The following CDS1 variants were observed in gnomAD, a reference collection of about 807,000 sequenced individuals.
CDS1 encodes phosphatidate cytidylyltransferase 1.
Under a neutral mutation model 62.1 loss-of-function variants are expected in CDS1, and 41 were observed. That is an observed-to-expected ratio of 0.66 (90% CI 0.51 to 0.86). The LOEUF (loss-of-function observed/expected upper bound fraction) is 0.86, where lower values mean the gene tolerates loss of function less well. Among genes scored for constraint, CDS1 ranks in the 40% least tolerant of loss-of-function variants. The pLI is 0.00. For missense variants in CDS1, 470 were observed against 550.1 expected, an observed-to-expected ratio of 0.85 and a Z score of 1.46; for synonymous variants, 185 against 192.6, an observed-to-expected ratio of 0.96 and a Z score of 0.32.
chr4:84,595,366 G>C (rs115406842), intron 1 of CDS1, among the ~76,000 whole-genome samples: 2,593 of 152,162 alleles, frequency 0.017, 70 homozygotes, highest in African/African-American at 0.06. Context: ...AGTCAGCTGG[G>C]GGGGCTTGGG....
chr4:84,619,083 A>C (rs1723590204), intron 4 of CDS1, among the ~76,000 whole-genome samples: 1 of 147,982 alleles, frequency 6.8e-6, no homozygotes, highest in South Asian at 2.1e-4. Context: ...ACACACACAC[A>C]CACTGCTCCC....
chr4:84,618,538 G>A (rs1723571410), intron 4 of CDS1, among the ~76,000 whole-genome samples: 1 of 152,220 alleles, frequency 6.6e-6, no homozygotes, highest in African/African-American at 2.4e-5. Flanking sequence ...ATGAAGACAA[G>A]TTTTGGATAA....
At chr4:84,609,279 GTTTGTTT>G in intron 2 of CDS1, 143 bp from the exon 3 acceptor site, 1 of 518,468 alleles carries the variant, frequency 1.9e-6, no homozygotes, top group East Asian at 3.1e-5. Flanking sequence ...AATGAATGCT[GTTTGTTT>G]TTTGTTTTTG....
In CDS1 at chr4:84,616,571, C is replaced by T. The variant is rs116714191; in HGVS notation, c.343-993C>T. Among the ~76,000 whole-genome samples, 797 of 152,226 alleles carry T rather than the reference C, an allele frequency of 5.2e-3. 9 individuals carry two copies. Among genetic ancestry groups the T allele is most frequent in the African/African-American group, 0.019 (769 of 41,536 alleles). ...CACATAATATTTTATTTTTAAATAA[C>T]TCTTTAAAAAATATAAAAATCCATT... On this transcript the variant is annotated intron_variant, in intron 3 of 12. Transcript: ENST00000295887.
intron 9 of CDS1, 97 bp from the exon 10 acceptor site, chr4:84,640,741 C>A: frequency 1.0e-6 from 1 of 956,668 alleles, no homozygotes; most frequent in Non-Finnish European, 1.4e-6. Context: ...CTATCTCTGG[C>A]CTTTCTGATG....
In CDS1 at chr4:84,648,610, A is replaced by T; in HGVS notation, c.1310A>T (p.Gln437Leu). Residue 437 changes from glutamine to leucine, a missense_variant, in exon 13 of 13, where the codon CAG (glutamine) becomes CTG (leucine). Around this residue, in one of 5 missense-constraint regions of CDS1, gnomAD observed 68 missense variants for 81.5 expected, o/e 0.83. Coordinates refer to ENST00000295887, the MANE Select transcript of CDS1 (RefSeq NM_001263.4). ...LQQLLVLQPE[Q>L]QLNIYKTLKT... is the part of the protein sequence containing the mutation. ...CAGTTGTTGGTGCTTCAACCTGAAC[A>T]GCAGTTAAATATATATAAAACCCTG... The T allele has an allele frequency of 6.2e-7, 1 of 1,613,962 alleles. No individual in the cohort carries two copies. The highest frequency in any genetic ancestry group is 8.5e-7 in the Non-Finnish European group (1 of 1,179,850).
chr4:84,592,713 T>C (rs540018995), intron 1 of CDS1, among the ~76,000 whole-genome samples: 9 of 152,346 alleles, frequency 5.9e-5, no homozygotes, highest in Admixed American at 1.3e-4. Context: ...TGGAAATTTA[T>C]AGCTGCTTTT....
intron 2 of CDS1, among the ~76,000 whole-genome samples, chr4:84,604,855 C>A (rs1467230361): frequency 6.6e-6 from 1 of 152,088 alleles, no homozygotes; most frequent in Non-Finnish European, 1.5e-5. Flanking sequence ...TGGGCTCAAG[C>A]AGTCTGCCCA....
intron 10 of CDS1, 139 bp downstream of exon 10, chr4:84,641,129 G>A (rs1222769092): frequency 5.8e-6 from 3 of 519,620 alleles, no homozygotes; most frequent in African/African-American, 2.0e-5. Flanking sequence ...AGGCTGGAGT[G>A]TAGTGGCGTA....
chr4:84,603,844 GAT>G (rs1723012298), intron 1 of CDS1, among the ~76,000 whole-genome samples: 1 of 152,160 alleles, frequency 6.6e-6, no homozygotes. Flanking sequence ...GCTCGTGTAA[GAT>G]ATTACTCTTA....
chr4:84,612,668 G>T (rs1201766438), intron 3 of CDS1, among the ~76,000 whole-genome samples: 1 of 151,984 alleles, frequency 6.6e-6, no homozygotes, highest in Admixed American at 6.6e-5. Context: ...GCTTCAATTG[G>T]TGAGTTTAAT....
intron 5 of CDS1, among the ~76,000 whole-genome samples, chr4:84,627,649 T>G (rs1723901749): frequency 6.6e-6 from 1 of 152,214 alleles, no homozygotes; most frequent in Non-Finnish European, 1.5e-5. Context: ...GCATAGCTAT[T>G]TTGATTTCTT....
At chr4:84,607,239 G>C (rs1382519351) in intron 2 of CDS1, among the ~76,000 whole-genome samples, 1 of 152,070 alleles carries the variant, frequency 6.6e-6, no homozygotes, top group Non-Finnish European at 1.5e-5. Flanking sequence ...GTATTTGTTG[G>C]AAGTATTTAA....
chr4:84,615,088 T>C (rs1336983604), intron 3 of CDS1, among the ~76,000 whole-genome samples: 2 of 152,166 alleles, frequency 1.3e-5, no homozygotes, highest in Admixed American at 1.3e-4. Flanking sequence ...GCCCCTCAAC[T>C]CTGATCTTAG....
intron 1 of CDS1, among the ~76,000 whole-genome samples, chr4:84,585,928 G>A (rs557484782): frequency 6.6e-6 from 1 of 152,314 alleles, no homozygotes; most frequent in African/African-American, 2.4e-5. Flanking sequence ...AGCATAGAGG[G>A]CATGCTTGGC....
intron 1 of CDS1, among the ~76,000 whole-genome samples, chr4:84,588,227 A>T (rs2110031594): frequency 6.6e-6 from 1 of 152,300 alleles, no homozygotes; most frequent in East Asian, 1.9e-4. Flanking sequence ...GTGTTTGTGC[A>T]TGGGGCTGCT....
intron 2 of CDS1, among the ~76,000 whole-genome samples, chr4:84,607,532 A>T (rs1363924439): frequency 4.6e-5 from 7 of 150,978 alleles, no homozygotes; most frequent in African/African-American, 1.7e-4. Flanking sequence ...CGTGTTGCCC[A>T]GGCTGGTCTC....
intron 2 of CDS1, among the ~76,000 whole-genome samples, chr4:84,605,057 CTTTA>C (rs1376719218): frequency 2.6e-5 from 4 of 152,152 alleles, no homozygotes; most frequent in Non-Finnish European, 5.9e-5. Context: ...TCATTGTATA[CTTTA>C]GTAATATGAA....
intron 5 of CDS1, among the ~76,000 whole-genome samples, chr4:84,628,218 A>C (rs766973886): frequency 6.6e-6 from 1 of 152,096 alleles, no homozygotes; most frequent in Non-Finnish European, 1.5e-5. Flanking sequence ...GGCCCATCCT[A>C]CTGTCTGCTT....
Sources: allele counts gnomAD v4.1 joint callset (sites outside exome capture counted in the v4.1 genomes callset), GRCh38; gene constraint gnomAD v4.1.1; regional missense constraint gnomAD v4.1.1; transcripts MANE v1.5; gene names NCBI Gene and HGNC (gene_info 2026-07-23, HGNC 2026-07-21).